The following UGT1A8 variants were observed in gnomAD, a reference collection of about 807,000 sequenced individuals.
The protein encoded by UGT1A8 is UDP-glucuronosyltransferase 1A8.
In UGT1A8, 39 loss-of-function variants were observed where a neutral mutation model predicts 45.3. That is an observed-to-expected ratio of 0.86 (90% CI 0.67 to 1.12). The LOEUF (loss-of-function observed/expected upper bound fraction) is 1.12. Among genes scored for constraint, UGT1A8 ranks in the 50% most tolerant of loss-of-function variants. The probability of loss-of-function intolerance (pLI) is 0.00; values close to 1 mark genes in which losing one functional copy is unlikely to be tolerated. For missense variants in UGT1A8, 719 were observed against 664.9 expected, an observed-to-expected ratio of 1.08 and a Z score of -0.90; for synonymous variants, 275 against 249.2, an observed-to-expected ratio of 1.10 and a Z score of -0.97.
Position 233,755,093 on chromosome 2 carries a change from C to G in UGT1A8, c.856-11941C>G, listed in dbSNP as rs566230339. On this transcript the variant is annotated intron_variant, in intron 1 of 4. Transcript: ENST00000373450. ...AGCGGTCATAGATATCGCGTTTCTA[C>G]GCGTCCGACAACACCTCGTAGGCCT... The G allele has an allele frequency of 5.8e-4, 775 of 1,335,150 alleles. 7 individuals carry two copies. Among genetic ancestry groups the G allele is most frequent in the Non-Finnish European group, 7.2e-4 (713 of 992,692 alleles). The allele number at this position is 1,335,150 out of a possible 1,614,324, so 82.7% of individuals were successfully genotyped here. A position where few individuals can be genotyped will look rare whatever the true frequency, so the allele number is the denominator to read the frequency against.
At chr2:233,627,744 A>G (rs980090728) in intron 1 of UGT1A8, among the ~76,000 whole-genome samples, 6 of 150,344 alleles carry the variant, frequency 4.0e-5, no homozygotes, top group Non-Finnish European at 8.9e-5. Flanking sequence ...GCAGGCATTC[A>G]CCACGGTAGA....
chr2:233,628,907 A>G (rs2073139506), intron 1 of UGT1A8, among the ~76,000 whole-genome samples: 1 of 152,106 alleles, frequency 6.6e-6, no homozygotes, highest in Non-Finnish European at 1.5e-5. Flanking sequence ...TTTATATGGT[A>G]TGTTACTTTA....
At position 233,693,134 on chromosome 2, in the gene UGT1A8, G is replaced by A. The variant is rs767703127; in HGVS notation, c.856-73900G>A. On this transcript the variant is annotated intron_variant, in intron 1 of 4. Transcript: ENST00000373450. ...CGGAAGCCACTGGCTTAGTATGAAG[G>A]ATATAGTTGAGGTTCTCAGTGACCG... 19 of 1,614,202 alleles carry A rather than the reference G, an allele frequency of 1.2e-5. No homozygotes were observed. Among genetic ancestry groups the A allele is most frequent in the Admixed American group, 1.7e-5 (1 of 60,028 alleles).
At position 233,772,972 on chromosome 2, in the gene UGT1A8, C is replaced by A; in HGVS notation, c.*413C>A. The A allele has an allele frequency of 3.3e-6, 1 of 304,366 alleles. No homozygotes were observed. The highest frequency in any genetic ancestry group is 6.3e-6 in the Non-Finnish European group (1 of 158,956). 18.9% of individuals were successfully genotyped at this position (304,366 alleles called of 1,614,324 possible). On this transcript the variant is annotated 3_prime_UTR_variant, in exon 5 of 5. Transcript: ENST00000373450. ...CAGATGGTTGCAATTGATCCTTAAC[C>A]AATAATGGTCAGTCCTCATCTCTGT...
intron 1 of UGT1A8, chr2:233,719,052 A>G (rs200903552): frequency 2.5e-6 from 4 of 1,614,270 alleles, no homozygotes; most frequent in African/African-American, 1.3e-5. Context: ...TTTCACCCTG[A>G]CAGCCTATGC....
At chr2:233,659,834 G>A (rs897718369) in intron 1 of UGT1A8, among the ~76,000 whole-genome samples, 9 of 152,206 alleles carry the variant, frequency 5.9e-5, no homozygotes, top group Non-Finnish European at 1.2e-4. Context: ...TTCAATAATC[G>A]GAATCCTTCT....
chr2:233,636,933 A>ACT lies in UGT1A8; in HGVS notation c.855+18371_855+18372insCT, dbSNP rs1344273277. 4 of 1,614,174 alleles carry ACT rather than the reference A, an allele frequency of 2.5e-6. No individual in the cohort carries two copies. The South Asian group carries it at 4.4e-5, about 18-fold the overall frequency. ...ATGACCGAAAATTAGTAGAATACTT[A>ACT]AAGGAGAGTTCTTTTGATGCAGTGT... On this transcript the variant is annotated intron_variant, in intron 1 of 4. Coordinates refer to ENST00000373450, the MANE Select transcript of UGT1A8 (RefSeq NM_019076.5).
At position 233,713,467 on chromosome 2, in the gene UGT1A8, C is replaced by T. The variant is rs754257180; in HGVS notation, c.856-53567C>T. The T allele has an allele frequency of 3.3e-5, 53 of 1,613,938 alleles. 1 individual carries two copies. Among genetic ancestry groups the T allele is most frequent in the South Asian group, 3.1e-4 (28 of 91,084 alleles). ...ACAGACCCCTTTCACCTCTGCGCGG[C>T]GGTGCTGGCTAAGTACCTGTCGATT... On this transcript the variant is annotated intron_variant, in intron 1 of 4. Coordinates refer to ENST00000373450, the MANE Select transcript of UGT1A8 (RefSeq NM_019076.5).
rs748749611 is a variant in UGT1A8, at chr2:233,713,227, C to T, written c.856-53807C>T. 53 of 1,614,134 alleles carry T rather than the reference C, an allele frequency of 3.3e-5. 2 individuals are homozygous for T. Among genetic ancestry groups the T allele is most frequent in the Admixed American group, 2.3e-4 (14 of 60,014 alleles). ...GAAGAGAACTTTTTCACCCTGACAA[C>T]GTATGCCATTTCATGGACCCAGGAC... On this transcript the variant is annotated intron_variant, in intron 1 of 4. Coordinates refer to ENST00000373450, the MANE Select transcript of UGT1A8 (RefSeq NM_019076.5).
chr2:233,633,351 T>C (rs1013536555), intron 1 of UGT1A8, among the ~76,000 whole-genome samples: 10 of 152,196 alleles, frequency 6.6e-5, no homozygotes, highest in African/African-American at 2.2e-4. Flanking sequence ...GAGTCCCTCT[T>C]TTTCTATTGT....
At chr2:233,638,169 CAT>C (rs1302371070) in intron 1 of UGT1A8, among the ~76,000 whole-genome samples, 2 of 152,122 alleles carry the variant, frequency 1.3e-5, no homozygotes. Flanking sequence ...TGTTCAGGAA[CAT>C]ATATGTCTCA....
intron 1 of UGT1A8, among the ~76,000 whole-genome samples, chr2:233,731,166 GA>G (rs1244756545): frequency 7.9e-5 from 12 of 151,866 alleles, no homozygotes; most frequent in Admixed American, 3.3e-4. Flanking sequence ...CAAACGACAT[GA>G]TTTTTTTATG....
intron 1 of UGT1A8, among the ~76,000 whole-genome samples, chr2:233,752,861 G>T (rs1247616817): frequency 2.0e-5 from 3 of 152,178 alleles, no homozygotes; most frequent in Non-Finnish European, 2.9e-5. Context: ...TGAACTTTGT[G>T]TTAGCTTTCA....
chr2:233,761,546 G>A (rs1697796734), intron 1 of UGT1A8, among the ~76,000 whole-genome samples: 1 of 152,224 alleles, frequency 6.6e-6, no homozygotes, highest in Admixed American at 6.5e-5. Flanking sequence ...ATTCTTTGAT[G>A]ATGATAGATC....
At chr2:233,698,920 C>T (rs566818934) in intron 1 of UGT1A8, among the ~76,000 whole-genome samples, 4 of 152,334 alleles carry the variant, frequency 2.6e-5, no homozygotes, top group African/African-American at 7.2e-5. Flanking sequence ...GGGACGTGGC[C>T]GTCTCAGAGG....
intron 1 of UGT1A8, chr2:233,755,273 G>GGA: frequency 1.3e-6 from 1 of 755,874 alleles, no homozygotes. Flanking sequence ...CCACTATGCT[G>GGA]GACTGCCAAA....
chr2:233,688,290 A>AT (rs1275876598), intron 1 of UGT1A8, among the ~76,000 whole-genome samples: 41 of 152,054 alleles, frequency 2.7e-4, no homozygotes, highest in South Asian at 4.2e-4. Flanking sequence ...GATTTACCGC[A>AT]TTTTTTTTAT....
At chr2:233,747,710 A>G (rs1208548533) in intron 1 of UGT1A8, 3 of 1,612,980 alleles carry the variant, frequency 1.9e-6, no homozygotes, top group Non-Finnish European at 1.7e-6. Flanking sequence ...AGTACCTATC[A>G]ATTCCTGCTG....
rs2074581601 is a variant in UGT1A8 at position 233,682,487 on chromosome 2, C to T, written c.855+63925C>T. On this transcript the variant is annotated intron_variant, in intron 1 of 4. Transcript: ENST00000373450. ...CTATCTTGAAGAAGGTGCACAGTGC[C>T]CTGCTCCTCTTTCCTATGTCCCCAG... 3.1e-6 allele frequency: 5 copies of T among 1,613,782 alleles called. No homozygotes were observed. In the South Asian group the frequency reaches 4.4e-5, roughly 14 times the overall value.
Sources: allele counts gnomAD v4.1 joint callset (sites outside exome capture counted in the v4.1 genomes callset), GRCh38; gene constraint gnomAD v4.1.1; transcripts MANE v1.5; gene names NCBI Gene and HGNC (gene_info 2026-07-23, HGNC 2026-07-21).